Variants in COL26A1 observed in about 807,000 individuals in gnomAD.
COL26A1 encodes collagen alpha-1(XXVI) chain.
A neutral mutation model predicts 59.3 loss-of-function variants in COL26A1; 41 were observed. That is an observed-to-expected ratio of 0.69 (90% CI 0.54 to 0.90). The LOEUF is 0.90. Among genes scored for constraint, COL26A1 ranks in the 40% least tolerant of loss-of-function variants. The pLI, the probability that COL26A1 is intolerant of heterozygous loss-of-function variation, is 0.00. For missense variants in COL26A1, 612 were observed against 602.3 expected, an observed-to-expected ratio of 1.02 and a Z score of -0.17; for synonymous variants, 266 against 256.0, an observed-to-expected ratio of 1.04 and a Z score of -0.37.
chr7:101,547,253 G>A lies in COL26A1; in HGVS notation c.940+14G>A. The A allele has an allele frequency of 6.4e-7, 1 of 1,554,022 alleles. No homozygotes were observed. The highest frequency in any genetic ancestry group is 8.7e-7 in the Non-Finnish European group (1 of 1,145,858). ...CTGGTCCACCAGGTAAGTGAATGGT[G>A]GGCTGGCCTGCATTGAGGACTCCAT... On this transcript the variant is annotated intron_variant, in intron 8 of 12. Transcript: ENST00000313669.
chr7:101,466,668 TGACACAGC>T (rs1793764210), intron 3 of COL26A1, among the ~76,000 whole-genome samples: 1 of 152,090 alleles, frequency 6.6e-6, no homozygotes, highest in African/African-American at 2.4e-5. Flanking sequence ...CCAGCCTGGG[TGACACAGC>T]GAGACCCTGT....
At chr7:101,508,690 C>T (rs996256613) in intron 3 of COL26A1, among the ~76,000 whole-genome samples, 3 of 151,912 alleles carry the variant, frequency 2.0e-5, no homozygotes, top group Non-Finnish European at 4.4e-5. Flanking sequence ...CCATCACTCA[C>T]GAAACCTGAC....
chr7:101,392,742 G>GGTGACAGTCATT (rs1225406979), intron 1 of COL26A1, among the ~76,000 whole-genome samples: 1 of 151,946 alleles, frequency 6.6e-6, no homozygotes, highest in African/African-American at 2.4e-5. Flanking sequence ...ACCCAGAAAG[G>GGTGACAGTCATT]GTGACAGTCA....
chr7:101,484,983 C>T (rs1794237763), intron 3 of COL26A1, among the ~76,000 whole-genome samples: 1 of 152,082 alleles, frequency 6.6e-6, no homozygotes, highest in Non-Finnish European at 1.5e-5. Flanking sequence ...TCTGAAGTAG[C>T]TGGGATTACA....
intron 1 of COL26A1, among the ~76,000 whole-genome samples, chr7:101,386,594 G>A (rs1204292831): frequency 1.3e-5 from 2 of 152,094 alleles, no homozygotes; most frequent in Non-Finnish European, 1.5e-5. Context: ...TGTCTGTCAC[G>A]ACAGGTAATC....
chr7:101,531,628 C>T (rs1174363008), intron 3 of COL26A1, among the ~76,000 whole-genome samples: 2 of 152,156 alleles, frequency 1.3e-5, no homozygotes, highest in Non-Finnish European at 2.9e-5. Context: ...TGAGGAGCAG[C>T]GAGTAGGGTG....
chr7:101,365,727 AAG>A (rs1250419993), intron 1 of COL26A1, among the ~76,000 whole-genome samples: 1 of 152,076 alleles, frequency 6.6e-6, no homozygotes, highest in Admixed American at 6.6e-5. Context: ...CTTGGTCCCT[AAG>A]AGAACCTACT....
intron 1 of COL26A1, among the ~76,000 whole-genome samples, chr7:101,368,867 TTATTTACTATTTG>T (rs1416450221): frequency 4.0e-5 from 6 of 150,164 alleles, no homozygotes; most frequent in African/African-American, 1.5e-4. Context: ...AATTTCCCCC[TTATTTACTATTTG>T]TAGGTAGAAA....
intron 3 of COL26A1, among the ~76,000 whole-genome samples, chr7:101,453,039 C>T (rs1449301535): frequency 6.6e-6 from 1 of 152,192 alleles, no homozygotes; most frequent in Non-Finnish European, 1.5e-5. Flanking sequence ...GCGTGAGCCA[C>T]TGTGCCCGGT....
intron 2 of COL26A1, among the ~76,000 whole-genome samples, chr7:101,431,326 C>T (rs964558862): frequency 6.6e-6 from 1 of 152,110 alleles, no homozygotes; most frequent in Non-Finnish European, 1.5e-5. Flanking sequence ...AGTCATAGCT[C>T]ACTGCAGCCT....
chr7:101,423,734 C>CA lies in COL26A1; in HGVS notation c.281+3644dup, dbSNP rs976733566. On this transcript the variant is annotated intron_variant, in intron 2 of 12. Coordinates refer to ENST00000313669, the MANE Select transcript of COL26A1 (RefSeq NM_001278563.3). ...TGGGCGACAGAGTGAGACTCCGTCG[C>CA]AAAAAAAAAGAAGGACCGGGGTCTT... Among the ~76,000 whole-genome samples the CA allele has an allele frequency of 6.1e-4, 89 of 146,486 alleles. 1 individual carries two copies. In the East Asian group the frequency reaches 8.0e-3, roughly 13 times the overall value.
At chr7:101,402,660 T>TTTCC (rs1792039674) in intron 1 of COL26A1, among the ~76,000 whole-genome samples, 3 of 111,166 alleles carry the variant, frequency 2.7e-5, no homozygotes, top group Non-Finnish European at 5.3e-5. Context: ...CCTTCCTTCC[T>TTTCC]TCCCTCCCTC....
intron 3 of COL26A1, among the ~76,000 whole-genome samples, chr7:101,453,332 A>G (rs1288513966): frequency 6.6e-6 from 1 of 152,156 alleles, no homozygotes; most frequent in African/African-American, 2.4e-5. Context: ...GTGCCACTGC[A>G]CTCCAGCCTG....
chr7:101,502,700 C>T (rs575025651), intron 3 of COL26A1, among the ~76,000 whole-genome samples: 1 of 152,318 alleles, frequency 6.6e-6, no homozygotes, highest in African/African-American at 2.4e-5. Context: ...TTGGGAGCCC[C>T]CTCATCTGAC....
At position 101,420,006 on chromosome 7, in the gene COL26A1, C is replaced by T. The variant is rs751103178; in HGVS notation, c.188C>T (p.Thr63Met). Reference protein sequence around the residue: ...RHWCHHTVTRTVSCQVQNGSE... With the variant: ...RHWCHHTVTRMVSCQVQNGSE... The stretch of plus-strand genomic sequence containing the variant: ...TGGTGCCATCACACAGTGACACGGA[C>T]GGTGTCCTGCCAGGTGCAGAATGGC... Residue 63 changes from threonine to methionine, a missense_variant, in exon 2 of 13, where the codon ACG becomes ATG. Coordinates refer to ENST00000313669, the MANE Select transcript of COL26A1 (RefSeq NM_001278563.3). 1.2e-5 allele frequency: 20 copies of T among 1,613,636 alleles called. No homozygotes were observed. Among genetic ancestry groups the T allele is most frequent in the African/African-American group, 6.7e-5 (5 of 74,940 alleles).
At chr7:101,382,921 A>G (rs980623896) in intron 1 of COL26A1, among the ~76,000 whole-genome samples, 5 of 152,202 alleles carry the variant, frequency 3.3e-5, no homozygotes, top group African/African-American at 1.2e-4. Flanking sequence ...GTATGCCTGT[A>G]ATCCCAGCTA....
At chr7:101,531,267 G>A (rs1274989279) in intron 3 of COL26A1, among the ~76,000 whole-genome samples, 4 of 152,096 alleles carry the variant, frequency 2.6e-5, no homozygotes, top group Admixed American at 1.3e-4. Context: ...CACCACACCC[G>A]GCCTACCTTT....
At chr7:101,458,632 T>C (rs1793534997) in intron 3 of COL26A1, among the ~76,000 whole-genome samples, 1 of 147,292 alleles carries the variant, frequency 6.8e-6, no homozygotes, top group Non-Finnish European at 1.5e-5. Context: ...CTGGGCAATG[T>C]GAGTGAAAAC....
intron 1 of COL26A1, among the ~76,000 whole-genome samples, chr7:101,366,229 G>T (rs569656162): frequency 1.3e-5 from 2 of 152,228 alleles, no homozygotes; most frequent in East Asian, 1.9e-4. Flanking sequence ...TGAGTTACAG[G>T]CTGGAGCTGG....
Sources: allele counts gnomAD v4.1 joint callset (sites outside exome capture counted in the v4.1 genomes callset), GRCh38; gene constraint gnomAD v4.1.1; transcripts MANE v1.5; gene names NCBI Gene and HGNC (gene_info 2026-07-23, HGNC 2026-07-21).